Variants in NXPH1 observed in about 807,000 individuals in gnomAD.
NXPH1 encodes the protein neurexophilin-1.
NXPH1 carries 5 observed loss-of-function variants against 23.7 expected under a neutral mutation model. The ratio of observed to expected loss-of-function variants is 0.21; its 90% confidence interval spans 0.11 to 0.44. The LOEUF (loss-of-function observed/expected upper bound fraction) is 0.44, where lower values mean the gene tolerates loss of function less well. Among genes scored for constraint, NXPH1 ranks in the 20% least tolerant of loss-of-function variants. NXPH1 has a pLI of 0.99. For missense variants in NXPH1, 324 were observed against 321.6 expected (o/e 1.01, Z -0.06); for synonymous variants, 144 against 122.2 (o/e 1.18, Z -1.18).
chr7:8,685,868 A>G (rs1821139129), intron 2 of NXPH1, among the ~76,000 whole-genome samples: 1 of 152,134 alleles, frequency 6.6e-6, no homozygotes. Flanking sequence ...TGGATAGCAC[A>G]ACAGGATGAC....
chr7:8,577,372 T>G (rs146954078), intron 2 of NXPH1, among the ~76,000 whole-genome samples: 1,751 of 152,290 alleles, frequency 0.011, 18 homozygotes, highest in South Asian at 0.057. Context: ...TCACTAACCT[T>G]CTCCTCAAAA....
chr7:8,552,928 A>C (rs997516068), intron 2 of NXPH1, among the ~76,000 whole-genome samples: 26 of 151,592 alleles, frequency 1.7e-4, no homozygotes, highest in African/African-American at 6.0e-4. Context: ...TCACGTATGA[A>C]GTGTATTGAA....
chr7:8,456,056 T>G (rs1032544742), intron 2 of NXPH1, among the ~76,000 whole-genome samples: 1 of 152,138 alleles, frequency 6.6e-6, no homozygotes, highest in South Asian at 2.1e-4. Context: ...GGTAAGTCAT[T>G]TGATAAGTGG....
intron 2 of NXPH1, among the ~76,000 whole-genome samples, chr7:8,708,005 A>C (rs1007334510): frequency 1.3e-5 from 2 of 152,158 alleles, no homozygotes; most frequent in Non-Finnish European, 2.9e-5. Flanking sequence ...TAAATCTTTA[A>C]ATAATTTAAT....
rs1056181055 is a variant in NXPH1 at position 8,752,024 on chromosome 7, C to T, written c.*255C>T. 1.4e-5 allele frequency: 6 copies of T among 422,678 alleles called. No homozygotes were observed. The highest frequency in any genetic ancestry group is 5.9e-5 in the African/African-American group (3 of 51,218). The allele number at this position is 422,678 out of a possible 1,614,324, so 26.2% of individuals were successfully genotyped here. ...AGACATGCTCTCACATATAGAGGTA[C>T]ACAAACACACCGTCATGCACATTTC... On this transcript the variant is annotated 3_prime_UTR_variant, in exon 3 of 3. Transcript: ENST00000405863.
intron 2 of NXPH1, among the ~76,000 whole-genome samples, chr7:8,549,441 C>T (rs12535370): frequency 0.34 from 51,921 of 151,252 alleles, 9,113 homozygotes; most frequent in East Asian, 0.51. Context: ...TACTGAATGC[C>T]AAGTCTTTTT....
rs1287855880 is a variant in NXPH1, at chr7:8,523,993, C to G, written c.54+88226C>G. ...GGCACGGTGGCTCATGCCTGTAATC[C>G]CAGCACTTTGGGAGGCTGAGGCGGG... On this transcript the variant is annotated intron_variant, in intron 2 of 2. Transcript: ENST00000405863. Among the ~76,000 whole-genome samples, 6 of 152,088 alleles carry G rather than the reference C, an allele frequency of 3.9e-5. No individual in the cohort carries two copies. In the East Asian group the frequency reaches 1.2e-3, roughly 29 times the overall value.
chr7:8,564,113 A>G (rs138669768), intron 2 of NXPH1, among the ~76,000 whole-genome samples: 12 of 151,878 alleles, frequency 7.9e-5, no homozygotes, highest in Non-Finnish European at 1.5e-4. Flanking sequence ...GATTTAGCCC[A>G]TGCTTTTTGA....
intron 2 of NXPH1, among the ~76,000 whole-genome samples, chr7:8,727,733 T>C (rs1216153710): frequency 2.0e-5 from 3 of 152,262 alleles, no homozygotes; most frequent in East Asian, 3.9e-4. Flanking sequence ...CTGTTTTGGT[T>C]ACTGTAGCCT....
intron 2 of NXPH1, among the ~76,000 whole-genome samples, chr7:8,704,067 T>G (rs760314118): frequency 1.3e-5 from 2 of 152,132 alleles, no homozygotes; most frequent in African/African-American, 2.4e-5. Context: ...AAGGAGGAGA[T>G]ATGTAATGAT....
chr7:8,444,442 C>T (rs1250969566), intron 2 of NXPH1, among the ~76,000 whole-genome samples: 1 of 152,208 alleles, frequency 6.6e-6, no homozygotes, highest in African/African-American at 2.4e-5. Flanking sequence ...CCGCCTCCAC[C>T]CACCGAGGTC....
intron 2 of NXPH1, among the ~76,000 whole-genome samples, chr7:8,651,647 G>A (rs1445221348): frequency 6.6e-6 from 1 of 152,080 alleles, no homozygotes; most frequent in Non-Finnish European, 1.5e-5. Flanking sequence ...GTACCTTTCG[G>A]ATTTATTCAG....
At chr7:8,513,586 G>C (rs752910172) in intron 2 of NXPH1, among the ~76,000 whole-genome samples, 1 of 152,076 alleles carries the variant, frequency 6.6e-6, no homozygotes, top group Non-Finnish European at 1.5e-5. Flanking sequence ...CCCTAAGGGC[G>C]GCAGGTAAGG....
intron 2 of NXPH1, among the ~76,000 whole-genome samples, chr7:8,579,146 T>A (rs1034341473): frequency 6.6e-6 from 1 of 152,158 alleles, no homozygotes; most frequent in Admixed American, 6.5e-5. Flanking sequence ...GAACTCAGAT[T>A]TTCTTTCCAA....
rs561529909 is a variant in NXPH1, at chr7:8,636,538, C to G, written c.55-114470C>G. Among the ~76,000 whole-genome samples the G allele has an allele frequency of 1.2e-3, 178 of 152,258 alleles. 1 individual carries two copies. The highest frequency in any genetic ancestry group is 4.2e-3 in the African/African-American group (174 of 41,544). Reference sequence around the variant, plus strand: ...TAGCAAAGGATTAAAAAGGAAAGGGCAAACCAAGGATAGCAAATTGATTCA... The same window carrying G: ...TAGCAAAGGATTAAAAAGGAAAGGGGAAACCAAGGATAGCAAATTGATTCA... On this transcript the variant is annotated intron_variant, in intron 2 of 2. Coordinates refer to ENST00000405863, the MANE Select transcript of NXPH1 (RefSeq NM_152745.3).
chr7:8,593,984 T>C lies in NXPH1; in HGVS notation c.55-157024T>C, dbSNP rs73678067. On this transcript the variant is annotated intron_variant, in intron 2 of 2. Transcript: ENST00000405863. ...AGACATCAACTTAAAAACATGTAAG[T>C]GGGTAGTTTTTCAAAATTCTTGTGG... Among the ~76,000 whole-genome samples, 249 of 151,324 alleles carry C rather than the reference T, an allele frequency of 1.6e-3. 1 individual carries two copies. The Middle Eastern group carries it at 0.041, about 25-fold the overall frequency.
Position 8,725,260 on chromosome 7 carries a change from C to T in NXPH1, c.55-25748C>T, listed in dbSNP as rs140311924. ...ATCTCAGCACTTTGAGATGCCAAGG[C>T]AGGCAGATCACTTGAGGCCAGGAGT... is the stretch of plus-strand genomic sequence containing the variant. On this transcript the variant is annotated intron_variant, in intron 2 of 2. Coordinates refer to ENST00000405863, the MANE Select transcript of NXPH1 (RefSeq NM_152745.3). Among the ~76,000 whole-genome samples the T allele has an allele frequency of 5.9e-3, 898 of 152,244 alleles. 18 individuals are homozygous for T. Among genetic ancestry groups the T allele is most frequent in the Admixed American group, 0.042 (642 of 15,276 alleles).
intron 2 of NXPH1, among the ~76,000 whole-genome samples, chr7:8,459,850 G>T (rs1356959689): frequency 6.6e-6 from 1 of 152,182 alleles, no homozygotes; most frequent in Non-Finnish European, 1.5e-5. Flanking sequence ...TTTGTTGCAC[G>T]AATGAATTCG....
chr7:8,732,433 C>T (rs1288584462), intron 2 of NXPH1, among the ~76,000 whole-genome samples: 3 of 152,192 alleles, frequency 2.0e-5, no homozygotes, highest in African/African-American at 7.2e-5. Flanking sequence ...TTGTCTATTA[C>T]CATTCATATA....
Sources: gnomAD v4.1 joint callset for allele counts (sites outside exome capture counted in the v4.1 genomes callset) on GRCh38, gnomAD v4.1.1 for gene constraint, MANE v1.5 for transcripts, NCBI Gene and HGNC (gene_info 2026-07-23, HGNC 2026-07-21) for gene names.